DCDC1: variants seen among roughly 807,000 people sequenced by gnomAD.
DCDC1 encodes doublecortin domain-containing protein 1.
Under a neutral mutation model 178.3 loss-of-function variants are expected in DCDC1, and 200 were observed. The observed-to-expected ratio is 1.12, with a 90% CI of 1.00 to 1.26. The LOEUF is 1.26. Among genes scored for constraint, DCDC1 ranks in the 50% most tolerant of loss-of-function variants. The pLI, the probability that DCDC1 is intolerant of heterozygous loss-of-function variation, is 0.00. For missense variants in DCDC1, 1,983 were observed against 1,749.2 expected, an observed-to-expected ratio of 1.13 and a Z score of -2.38; for synonymous variants, 690 against 604.8, an observed-to-expected ratio of 1.14 and a Z score of -2.07.
In DCDC1 at chr11:31,064,638, A is replaced by G. The variant is rs148379893; in HGVS notation, c.2434-12T>C. 455 of 765,000 alleles carry G rather than the reference A, an allele frequency of 5.9e-4. 2 individuals carry two copies. In the African/African-American group the frequency reaches 6.8e-3, roughly 11 times the overall value. 47.4% of individuals were successfully genotyped at this position (765,000 alleles called of 1,614,324 possible). ...CTTTCTTGCAGAACCTAATAAATGA[A>G]ATATAGGAATCATGTAGCTAATTTT... On this transcript the variant is annotated splice_polypyrimidine_tract_variant and intron_variant, in intron 19 of 38. Coordinates refer to ENST00000684477, the MANE Select transcript of DCDC1 (RefSeq NM_001387274.1).
At chr11:31,060,899 G>GA (rs1360567222) in intron 20 of DCDC1, among the ~76,000 whole-genome samples, 2 of 151,970 alleles carry the variant, frequency 1.3e-5, no homozygotes, top group Non-Finnish European at 2.9e-5. Flanking sequence ...CATTTTAATT[G>GA]AAAAAAAGTC....
chr11:31,154,642 G>A (rs1965535512), intron 9 of DCDC1, among the ~76,000 whole-genome samples: 1 of 152,206 alleles, frequency 6.6e-6, no homozygotes, highest in Admixed American at 6.5e-5. Context: ...TTATGGCTGG[G>A]ATAAATAGAA....
intron 36 of DCDC1, chr11:30,883,449 T>G (rs1427819711): frequency 2.2e-6 from 1 of 458,662 alleles, no homozygotes; most frequent in Non-Finnish European, 4.5e-6. Flanking sequence ...CCTTAAGCAG[T>G]TATCAAAAAA....
rs78069674 is a variant in DCDC1, at chr11:31,118,318, A to T, written c.1486-7957T>A. ...TCCTGAGAAACTAAAAGCTGTACAA[A>T]AGCTTACTATCTATAATAAAACATT... On this transcript the variant is annotated intron_variant, in intron 11 of 38. Coordinates refer to ENST00000684477, the MANE Select transcript of DCDC1 (RefSeq NM_001387274.1). Among the ~76,000 whole-genome samples, 1,203 of 152,274 alleles carry T rather than the reference A, an allele frequency of 7.9e-3. 15 individuals carry two copies. Among genetic ancestry groups the T allele is most frequent in the African/African-American group, 0.027 (1,129 of 41,570 alleles).
chr11:31,108,310 T>A (rs1431204608), intron 12 of DCDC1, among the ~76,000 whole-genome samples: 1 of 152,166 alleles, frequency 6.6e-6, no homozygotes, highest in Non-Finnish European at 1.5e-5. Flanking sequence ...CCTCTTTAGG[T>A]GTATAAGAGG....
intron 7 of DCDC1, among the ~76,000 whole-genome samples, chr11:31,285,113 A>G (rs1323406864): frequency 6.6e-6 from 1 of 151,960 alleles, no homozygotes; most frequent in African/African-American, 2.4e-5. Flanking sequence ...CTGACTATAA[A>G]TAATTACTTA....
At chr11:31,285,215 T>C (rs1250083930) in intron 7 of DCDC1, among the ~76,000 whole-genome samples, 4 of 152,050 alleles carry the variant, frequency 2.6e-5, no homozygotes, top group East Asian at 3.8e-4. Context: ...GAATAAACCA[T>C]ATTATCAAAT....
rs924646073 is a variant in DCDC1, at chr11:30,950,716, G to A, written c.2715+1729C>T. ...TGCCAGAGCCTGGGAAAGGTAGCGG[G>A]GAGGAGGGAATAAAGGGAGGTTGTT... is the stretch of plus-strand genomic sequence containing the variant. On this transcript the variant is annotated intron_variant, in intron 21 of 38. Transcript: ENST00000684477. 2.0e-5 allele frequency among the ~76,000 whole-genome samples: 3 copies of A among 152,102 alleles called. No individual in the cohort carries two copies. In the South Asian group the frequency reaches 6.2e-4, roughly 32 times the overall value.
chr11:31,283,152 C>T (rs896562310), intron 7 of DCDC1, among the ~76,000 whole-genome samples: 2 of 152,140 alleles, frequency 1.3e-5, no homozygotes, highest in Non-Finnish European at 2.9e-5. Context: ...GCCATTATTA[C>T]TTCAAATATT....
chr11:31,339,877 C>A (rs1950455723), intron 1 of DCDC1, among the ~76,000 whole-genome samples: 1 of 151,918 alleles, frequency 6.6e-6, no homozygotes, highest in Admixed American at 6.6e-5. Context: ...AGTGTCTAGA[C>A]TGCACCTATC....
At chr11:30,984,118 T>A (rs1950524034) in intron 20 of DCDC1, among the ~76,000 whole-genome samples, 1 of 152,022 alleles carries the variant, frequency 6.6e-6, no homozygotes, top group Admixed American at 6.6e-5. Context: ...GGTGAAGAGG[T>A]AAAAGGAGCA....
chr11:31,126,663 T>C (rs927161584), intron 11 of DCDC1, among the ~76,000 whole-genome samples: 2 of 152,164 alleles, frequency 1.3e-5, no homozygotes, highest in African/African-American at 4.8e-5. Context: ...CGAGTTGTAG[T>C]AACCATGATT....
chr11:31,223,977 G>A (rs1237169809), intron 9 of DCDC1, among the ~76,000 whole-genome samples: 1 of 151,910 alleles, frequency 6.6e-6, no homozygotes, highest in Admixed American at 6.6e-5. Context: ...TGAATCATGG[G>A]GGCCGGTCTT....
At chr11:31,329,660 T>C (rs1949857604) in intron 2 of DCDC1, among the ~76,000 whole-genome samples, 1 of 152,226 alleles carries the variant, frequency 6.6e-6, no homozygotes, top group African/African-American at 2.4e-5. Flanking sequence ...TCTGGTTTTC[T>C]GTCCTTGTGA....
At chr11:31,253,309 C>T (rs889912240) in intron 8 of DCDC1, among the ~76,000 whole-genome samples, 7 of 151,294 alleles carry the variant, frequency 4.6e-5, no homozygotes, top group Non-Finnish European at 1.0e-4. Context: ...TTTTTGAGGA[C>T]CTATGATATG....
intron 3 of DCDC1, among the ~76,000 whole-genome samples, chr11:31,327,318 A>C (rs1949701667): frequency 1.3e-5 from 2 of 151,766 alleles, no homozygotes; most frequent in Non-Finnish European, 2.9e-5. Flanking sequence ...ACAGGCATAC[A>C]CCACCAAGCC....
intron 20 of DCDC1, among the ~76,000 whole-genome samples, chr11:30,971,253 A>G (rs910884100): frequency 3.3e-5 from 5 of 152,192 alleles, no homozygotes; most frequent in Non-Finnish European, 7.3e-5. Flanking sequence ...CAAAAAAAAG[A>G]ACAATCAAGA....
At chr11:31,134,296 A>G (rs971667628) in intron 10 of DCDC1, among the ~76,000 whole-genome samples, 10 of 152,236 alleles carry the variant, frequency 6.6e-5, no homozygotes, top group Non-Finnish European at 1.5e-4. Context: ...TCTAACTCCA[A>G]GAGCATAAGT....
chr11:31,300,851 G>A (rs1565577394), intron 6 of DCDC1, among the ~76,000 whole-genome samples: 1 of 152,142 alleles, frequency 6.6e-6, no homozygotes, highest in Non-Finnish European at 1.5e-5. Flanking sequence ...GTAAACAAAT[G>A]TAGTCTCTGT....
Sources: gnomAD v4.1 joint callset for allele counts (sites outside exome capture counted in the v4.1 genomes callset) on GRCh38, gnomAD v4.1.1 for gene constraint, MANE v1.5 for transcripts, NCBI Gene and HGNC (gene_info 2026-07-23, HGNC 2026-07-21) for gene names.